Variants in ADCY1 observed in about 807,000 individuals in gnomAD.
ADCY1 encodes adenylate cyclase type 1.
Under a neutral mutation model 105.4 loss-of-function variants are expected in ADCY1, and 28 were observed. That is an observed-to-expected ratio of 0.27 (90% CI 0.20 to 0.36). The LOEUF (loss-of-function observed/expected upper bound fraction) is 0.36. Among genes scored for constraint, ADCY1 ranks in the 10% least tolerant of loss-of-function variants. The pLI, the probability that ADCY1 is intolerant of heterozygous loss-of-function variation, is 1.00. For missense variants in ADCY1, 977 were observed against 1,434.2 expected (o/e 0.68, Z 5.15); for synonymous variants, 655 against 623.8 (o/e 1.05, Z -0.75).
chr7:45,660,693 G>GGTTCAGGCTCAAGTGAGGT (rs1419335359), intron 7 of ADCY1, among the ~76,000 whole-genome samples: 4 of 151,636 alleles, frequency 2.6e-5, no homozygotes, highest in African/African-American at 9.7e-5. Flanking sequence ...TCAGGTGAGG[G>GGTTCAGGCTCAAGTGAGGT]GTTCAGGCTC....
intron 7 of ADCY1, among the ~76,000 whole-genome samples, chr7:45,661,282 CAGA>C (rs1317239975): frequency 1.3e-5 from 2 of 151,962 alleles, no homozygotes; most frequent in African/African-American, 2.4e-5. Flanking sequence ...TGAGAATGCT[CAGA>C]AGAAGGGGAT....
At chr7:45,688,418 G>A (rs1784728744) in intron 14 of ADCY1, among the ~76,000 whole-genome samples, 1 of 152,206 alleles carries the variant, frequency 6.6e-6, no homozygotes, top group Admixed American at 6.5e-5. Context: ...TCTCTTTCTG[G>A]GAGGGAGGGT....
chr7:45,606,606 G>T (rs1426532257), intron 2 of ADCY1, among the ~76,000 whole-genome samples: 1 of 152,142 alleles, frequency 6.6e-6, no homozygotes, highest in Non-Finnish European at 1.5e-5. Flanking sequence ...TTTTAGTCTT[G>T]GTTGTTTGAT....
At chr7:45,617,354 G>A (rs1793765872) in intron 3 of ADCY1, among the ~76,000 whole-genome samples, 1 of 152,176 alleles carries the variant, frequency 6.6e-6, no homozygotes, top group South Asian at 2.1e-4. Flanking sequence ...TTGGGTGCGG[G>A]CTTGTATGGC....
At chr7:45,603,876 A>G (rs984864005) in intron 2 of ADCY1, among the ~76,000 whole-genome samples, 2 of 152,164 alleles carry the variant, frequency 1.3e-5, no homozygotes, top group African/African-American at 2.4e-5. Flanking sequence ...ATTGTTGAAT[A>G]TATCAATATT....
At chr7:45,657,624 A>AC (rs1794977636) in intron 5 of ADCY1, 103 bp from the exon 6 acceptor site, 2 of 1,254,398 alleles carry the variant, frequency 1.6e-6, no homozygotes, top group Non-Finnish European at 2.2e-6. Flanking sequence ...CAAGGACAAG[A>AC]CCCAGTTTCC....
At chr7:45,636,172 T>G (rs1009491512) in intron 4 of ADCY1, among the ~76,000 whole-genome samples, 3 of 152,218 alleles carry the variant, frequency 2.0e-5, no homozygotes, top group African/African-American at 7.2e-5. Flanking sequence ...AAAGAATAGT[T>G]GTCACTCAAT....
At chr7:45,707,948 A>G (rs1312408371) in intron 17 of ADCY1, among the ~76,000 whole-genome samples, 1 of 152,256 alleles carries the variant, frequency 6.6e-6, no homozygotes, top group Non-Finnish European at 1.5e-5. Context: ...ACCTTGTCAC[A>G]CACATACATG....
chr7:45,638,175 C>T (rs984881976), intron 4 of ADCY1, among the ~76,000 whole-genome samples: 1 of 152,112 alleles, frequency 6.6e-6, no homozygotes, highest in Non-Finnish European at 1.5e-5. Context: ...TTTTCAAATA[C>T]ATTTTATGAC....
At chr7:45,605,798 T>A (rs1395627650) in intron 2 of ADCY1, among the ~76,000 whole-genome samples, 1 of 152,270 alleles carries the variant, frequency 6.6e-6, no homozygotes, top group East Asian at 1.9e-4. Context: ...TTGGTTATTC[T>A]GGCATCTCTG....
At chr7:45,626,292 CCAAA>C (rs1203591069) in intron 4 of ADCY1, among the ~76,000 whole-genome samples, 1 of 152,200 alleles carries the variant, frequency 6.6e-6, no homozygotes, top group Non-Finnish European at 1.5e-5. Context: ...ACCGTGACAC[CCAAA>C]CAGTGTTACG....
At chr7:45,694,941 C>T (rs1020266639) in intron 14 of ADCY1, among the ~76,000 whole-genome samples, 2 of 152,234 alleles carry the variant, frequency 1.3e-5, no homozygotes, top group Admixed American at 1.3e-4. Flanking sequence ...TTTCTCTAGC[C>T]TTTGCTAATC....
intron 4 of ADCY1, among the ~76,000 whole-genome samples, chr7:45,643,454 A>G (rs1261440171): frequency 1.3e-5 from 2 of 152,164 alleles, no homozygotes; most frequent in Non-Finnish European, 2.9e-5. Flanking sequence ...TATTATTTTC[A>G]ACAATAAGTC....
intron 14 of ADCY1, among the ~76,000 whole-genome samples, chr7:45,702,673 T>C (rs985861205): frequency 6.6e-6 from 1 of 152,208 alleles, no homozygotes; most frequent in Middle Eastern, 3.2e-3. Context: ...AGGCCTTTGC[T>C]GTCAGCTTAA....
rs775575856 is a variant in ADCY1 at position 45,678,071 on chromosome 7, A to G, written c.1800+8A>G. On this transcript the variant is annotated splice_region_variant and intron_variant, in intron 9 of 19. Coordinates refer to ENST00000297323, the MANE Select transcript of ADCY1 (RefSeq NM_021116.4). ...GTCGAACGGGAGCAAAAGGTAAGCA[A>G]CTCTGGTTTTCGGCTTCCCTGGTGC... 17 of 1,613,696 alleles carry G rather than the reference A, an allele frequency of 1.1e-5. 1 individual carries two copies. The South Asian group carries it at 1.1e-4, about 10-fold the overall frequency.
At chr7:45,578,035 A>G (rs893749272) in intron 1 of ADCY1, among the ~76,000 whole-genome samples, 1 of 152,132 alleles carries the variant, frequency 6.6e-6, no homozygotes, top group Non-Finnish European at 1.5e-5. Flanking sequence ...TGCAGCATTC[A>G]TTGTTCCAGT....
At chr7:45,598,964 T>C (rs900004086) in intron 2 of ADCY1, among the ~76,000 whole-genome samples, 2 of 152,132 alleles carry the variant, frequency 1.3e-5, no homozygotes, top group Non-Finnish European at 2.9e-5. Flanking sequence ...CCGAAGTGGA[T>C]TGGGTGGGCG....
chr7:45,661,995 A>G, intron 7 of ADCY1, 64 bp from the exon 8 acceptor site: 1 of 1,556,656 alleles, frequency 6.4e-7, no homozygotes, highest in Non-Finnish European at 8.7e-7. Context: ...TGGCATTCCC[A>G]GTCCGAGAGG....
At position 45,720,680 on chromosome 7, in the gene ADCY1, A is replaced by G. The variant is rs1304409466; in HGVS notation, c.*6685A>G. The G allele has an allele frequency of 1.3e-5, 2 of 152,090 alleles. No individual in the cohort carries two copies. The highest frequency in any genetic ancestry group is 2.9e-5 in the Non-Finnish European group (2 of 68,030). The allele number at this position is 152,090 out of a possible 1,614,324, so 9.4% of individuals were successfully genotyped here. A position where few individuals can be genotyped will look rare whatever the true frequency, so the allele number is the denominator to read the frequency against. On this transcript the variant is annotated 3_prime_UTR_variant, in exon 20 of 20. Coordinates refer to ENST00000297323, the MANE Select transcript of ADCY1 (RefSeq NM_021116.4). The stretch of plus-strand genomic sequence containing the variant: ...CCTTCTACCCGTCACCAGATTCAAT[A>G]TGTTCTATTAATACACCGATAACCA...
Sources: gnomAD v4.1 joint callset for allele counts (sites outside exome capture counted in the v4.1 genomes callset) on GRCh38, gnomAD v4.1.1 for gene constraint, MANE v1.5 for transcripts, NCBI Gene and HGNC (gene_info 2026-07-23, HGNC 2026-07-21) for gene names.